The following CDC42BPA variants were observed in gnomAD, a reference collection of about 807,000 sequenced individuals.
CDC42BPA encodes the protein CDC42 binding protein kinase alpha.
A neutral mutation model predicts 223.5 loss-of-function variants in CDC42BPA; 80 were observed. The ratio of observed to expected loss-of-function variants is 0.36; its 90% confidence interval spans 0.30 to 0.43. The LOEUF (loss-of-function observed/expected upper bound fraction) is 0.43, where lower values mean the gene tolerates loss of function less well. Ranked by LOEUF, CDC42BPA falls within the 20% of genes least tolerant of loss-of-function variation. CDC42BPA has a pLI of 1.00. For missense variants in CDC42BPA, 1,743 were observed against 2,099.9 expected (o/e 0.83, Z 3.32); for synonymous variants, 694 against 718.6 (o/e 0.97, Z 0.55).
chr1:227,112,519 A>C, intron 13 of CDC42BPA, 97 bp from the exon 14 acceptor site: 1 of 1,031,606 alleles, frequency 9.7e-7, no homozygotes, highest in Non-Finnish European at 1.4e-6. Flanking sequence ...ACAGGAAGAT[A>C]ATTCAAATGT....
chr1:227,253,275 C>G (rs1267570486), intron 2 of CDC42BPA, among the ~76,000 whole-genome samples: 3 of 109,686 alleles, frequency 2.7e-5, no homozygotes, highest in Admixed American at 9.0e-5. Context: ...AGAGCGCGCG[C>G]GCGTGCGCGT....
intron 1 of CDC42BPA, among the ~76,000 whole-genome samples, chr1:227,273,246 C>T (rs1176478944): frequency 6.6e-6 from 1 of 151,484 alleles, no homozygotes; most frequent in Non-Finnish European, 1.5e-5. Context: ...TGCAGTGAGT[C>T]GAGATTGCAC....
intron 2 of CDC42BPA, among the ~76,000 whole-genome samples, chr1:227,231,386 T>C (rs1268801420): frequency 6.6e-6 from 1 of 152,136 alleles, no homozygotes; most frequent in East Asian, 1.9e-4. Context: ...CTATCATTCA[T>C]GGACATTTGG....
chr1:227,151,786 C>G (rs974428989), intron 6 of CDC42BPA, among the ~76,000 whole-genome samples: 1 of 147,024 alleles, frequency 6.8e-6, no homozygotes, highest in Non-Finnish European at 1.5e-5. Context: ...TATTTAAGTT[C>G]CTTGTCCCAG....
At chr1:227,307,703 T>C (rs541955492) in intron 1 of CDC42BPA, among the ~76,000 whole-genome samples, 1 of 152,344 alleles carries the variant, frequency 6.6e-6, no homozygotes, top group Admixed American at 6.5e-5. Flanking sequence ...ACATTAAGTT[T>C]CTACATACCA....
At position 227,177,109 on chromosome 1, in the gene CDC42BPA, T is replaced by C. The variant is rs987338587; in HGVS notation, c.600-16473A>G. 2.6e-5 allele frequency among the ~76,000 whole-genome samples: 3 copies of C among 115,992 alleles called. No homozygotes were observed. The Admixed American group carries it at 2.8e-4, about 11-fold the overall frequency. 76.1% of individuals were successfully genotyped at this position (115,992 alleles called of 152,430 possible). On this transcript the variant is annotated intron_variant, in intron 5 of 36. Coordinates refer to ENST00000366766, the MANE Select transcript of CDC42BPA (RefSeq NM_001394014.1). ...AAAAACAACTTTTACTTTAAAGCCA[T>C]ATATTTTAAAGATGTAAGAAAAAAA... is the stretch of plus-strand genomic sequence containing the variant.
chr1:227,219,084 T>C (rs1475238505), intron 2 of CDC42BPA, among the ~76,000 whole-genome samples: 3 of 152,156 alleles, frequency 2.0e-5, no homozygotes, highest in Admixed American at 6.5e-5. Flanking sequence ...AGGTGAATCA[T>C]GCAATATAAC....
At chr1:227,006,862 G>A (rs1000539114) in intron 34 of CDC42BPA, among the ~76,000 whole-genome samples, 2 of 152,052 alleles carry the variant, frequency 1.3e-5, no homozygotes, top group Admixed American at 6.6e-5. Context: ...ACTTGAATCT[G>A]GGAGGTGGAG....
At chr1:227,044,741 T>C (rs1672069220) in intron 23 of CDC42BPA, among the ~76,000 whole-genome samples, 1 of 152,194 alleles carries the variant, frequency 6.6e-6, no homozygotes, top group African/African-American at 2.4e-5. Context: ...ATTGTTATAG[T>C]AGTTTTAGCT....
intron 2 of CDC42BPA, among the ~76,000 whole-genome samples, chr1:227,219,000 G>A (rs1675364184): frequency 6.6e-6 from 1 of 152,088 alleles, no homozygotes; most frequent in African/African-American, 2.4e-5. Flanking sequence ...CAACCAATCA[G>A]AACAAACACT....
At chr1:227,271,443 A>C (rs114038031) in intron 1 of CDC42BPA, among the ~76,000 whole-genome samples, 8,191 of 152,232 alleles carry the variant, frequency 0.054, 246 homozygotes, top group Non-Finnish European at 0.073. Flanking sequence ...ACTTAAATTC[A>C]CTAAAGTAGC....
At chr1:227,095,127 A>G (rs1271274816) in intron 15 of CDC42BPA, among the ~76,000 whole-genome samples, 1 of 152,222 alleles carries the variant, frequency 6.6e-6, no homozygotes, top group Non-Finnish European at 1.5e-5. Context: ...TGATGCTTCC[A>G]AATCCTCATC....
At chr1:227,144,236 C>T (rs1430924247) in intron 8 of CDC42BPA, among the ~76,000 whole-genome samples, 1 of 151,926 alleles carries the variant, frequency 6.6e-6, no homozygotes, top group Non-Finnish European at 1.5e-5. Context: ...AGGATTAAAG[C>T]CATAGTAAAT....
chr1:227,164,647 G>C (rs1664704976), intron 5 of CDC42BPA, among the ~76,000 whole-genome samples: 1 of 152,172 alleles, frequency 6.6e-6, no homozygotes, highest in South Asian at 2.1e-4. Context: ...GCCTAGGTGA[G>C]AGCAAGACTC....
At chr1:227,093,418 A>G (rs893956508) in intron 15 of CDC42BPA, among the ~76,000 whole-genome samples, 2 of 152,206 alleles carry the variant, frequency 1.3e-5, no homozygotes, top group African/African-American at 4.8e-5. Context: ...TTTATGAGAA[A>G]TGCGAGCCCC....
chr1:227,316,901 A>G (rs1455583052), intron 1 of CDC42BPA, 104 bp downstream of exon 1: 1 of 822,186 alleles, frequency 1.2e-6, no homozygotes, highest in Non-Finnish European at 1.9e-6. Flanking sequence ...TTTTTATTGT[A>G]TTTTTTCTTT....
chr1:227,107,104 T>C (rs1285585388), intron 14 of CDC42BPA, among the ~76,000 whole-genome samples: 1 of 152,222 alleles, frequency 6.6e-6, no homozygotes, highest in Admixed American at 6.5e-5. Flanking sequence ...TGAATTTTGA[T>C]AGGGACTGAA....
chr1:227,252,619 G>C (rs866789726), intron 2 of CDC42BPA, among the ~76,000 whole-genome samples: 1 of 152,082 alleles, frequency 6.6e-6, no homozygotes, highest in Non-Finnish European at 1.5e-5. Flanking sequence ...GAAGAACACA[G>C]GTGCAAAGAT....
At chr1:227,183,292 A>G (rs1347261085) in intron 5 of CDC42BPA, 1 of 152,188 alleles carries the variant, frequency 6.6e-6, no homozygotes, top group Non-Finnish European at 1.5e-5. Context: ...CTGTTCCATT[A>G]TCACAAAAGA....
Sources: allele counts gnomAD v4.1 joint callset (sites outside exome capture counted in the v4.1 genomes callset), GRCh38; gene constraint gnomAD v4.1.1; transcripts MANE v1.5; gene names NCBI Gene and HGNC (gene_info 2026-07-23, HGNC 2026-07-21).